Variants in MTMR10 observed in about 807,000 individuals in gnomAD.
The protein encoded by MTMR10 is myotubularin related protein 10.
In MTMR10, 56 loss-of-function variants were observed where a neutral mutation model predicts 88.1. The ratio of observed to expected loss-of-function variants is 0.64; its 90% CI spans 0.51 to 0.79. The LOEUF (loss-of-function observed/expected upper bound fraction) is 0.79. Among genes scored for constraint, MTMR10 ranks in the 30% least tolerant of loss-of-function variants. The pLI, the probability that MTMR10 is intolerant of heterozygous loss-of-function variation, is 0.00. For synonymous variants in MTMR10, 380 were observed against 340.9 expected (o/e 1.11, Z -1.26); for missense variants, 883 against 924.7 (o/e 0.95, Z 0.58).
chr15:30,974,529 C>G (rs1390597518), intron 4 of MTMR10, 73 bp from the exon 5 acceptor site: 2 of 1,289,442 alleles, frequency 1.6e-6, no homozygotes, highest in Middle Eastern at 2.9e-4. Flanking sequence ...AATACAAATT[C>G]TTAGTGAAAA....
rs2029950892 is a variant in MTMR10 at position 30,974,382 on chromosome 15, T to C, written c.406A>G (p.Ile136Val). ...KLKFNPTELIIYCKDFRIVRF... is the reference protein window; with the variant it reads ...KLKFNPTELIVYCKDFRIVRF... ...ACAATTCTGAAATCTTTACAATAAA[T>C]AATTAACTCTGTTGGATTAAATTTC... Residue 136 changes from isoleucine to valine, a missense_variant, in exon 5 of 16, where the codon ATT becomes GTT. Around this residue, in one of 3 missense-constraint regions of MTMR10, gnomAD observed 414 missense variants for 423.2 expected, o/e 0.98. Transcript: ENST00000435680. 3 of 1,609,088 alleles carry C rather than the reference T, an allele frequency of 1.9e-6. No individual in the cohort carries two copies. Among genetic ancestry groups the C allele is most frequent in the Non-Finnish European group, 2.5e-6 (3 of 1,176,944 alleles).
chr15:30,991,410 G>A (rs533214427), intron 1 of MTMR10, 37 bp downstream of exon 1: 2 of 1,456,248 alleles, frequency 1.4e-6, no homozygotes, highest in South Asian at 1.4e-5. Context: ...CGGAAGCGCA[G>A]AGGAGAGTCG....
chr15:30,943,831 A>G, intron 14 of MTMR10: 1 of 985,436 alleles, frequency 1.0e-6, no homozygotes, highest in Non-Finnish European at 1.2e-6. Flanking sequence ...GACCATTTCT[A>G]TGAAGCACAG....
chr15:30,946,743 A>G, intron 14 of MTMR10: 1 of 703,104 alleles, frequency 1.4e-6, no homozygotes, highest in Non-Finnish European at 2.6e-6. Context: ...CGTGAAGGAA[A>G]ATAATCTTGT....
Position 30,991,586 on chromosome 15 carries a change from G to A in MTMR10, c.-80C>T, listed in dbSNP as rs2031339530. The A allele has an allele frequency of 6.8e-7, 1 of 1,460,434 alleles. No homozygotes were observed. The highest frequency in any genetic ancestry group is 3.0e-5 in the Admixed American group (1 of 33,608). 90.5% of individuals were successfully genotyped at this position (1,460,434 alleles called of 1,614,324 possible). Reference sequence around the variant, plus strand: ...CCTCCGGGCGTAAAGCTCTCAGTGCGGCCGCCCAGGCCCTTTCTGCGGCCA... The same window carrying A: ...CCTCCGGGCGTAAAGCTCTCAGTGCAGCCGCCCAGGCCCTTTCTGCGGCCA... On this transcript the variant is annotated 5_prime_UTR_variant, in exon 1 of 16. Coordinates refer to ENST00000435680, the MANE Select transcript of MTMR10 (RefSeq NM_017762.3).
chr15:30,938,801 AAGT>A, downstream of MTMR10: 2 of 578,476 alleles, frequency 3.5e-6, no homozygotes, highest in Non-Finnish European at 4.4e-6. Flanking sequence ...CTGTTAAAAA[AAGT>A]TACTGATCAC....
chr15:30,960,044 C>T (rs535306123), intron 7 of MTMR10, among the ~76,000 whole-genome samples: 2 of 152,130 alleles, frequency 1.3e-5, no homozygotes, highest in Non-Finnish European at 2.9e-5. Flanking sequence ...AACTGTGTTA[C>T]AGGGCACTAA....
chr15:30,942,291 A>G, intron 15 of MTMR10: 2 of 615,336 alleles, frequency 3.3e-6, no homozygotes, highest in South Asian at 4.3e-5. Flanking sequence ...ATCAGCCTGA[A>G]TGGGGGCGGG....
At chr15:30,980,050 T>G (rs2030461386) in intron 2 of MTMR10, among the ~76,000 whole-genome samples, 1 of 152,238 alleles carries the variant, frequency 6.6e-6, no homozygotes, top group South Asian at 2.1e-4. Flanking sequence ...GGTTTGCTGA[T>G]CCCTGTGTTA....
intron 6 of MTMR10, among the ~76,000 whole-genome samples, chr15:30,963,991 T>C (rs1210033582): frequency 6.6e-5 from 10 of 151,512 alleles, no homozygotes; most frequent in South Asian, 2.1e-4. Context: ...AAACATATGA[T>C]AGATACCTGT....
chr15:30,960,706 C>T (rs1054140321), intron 7 of MTMR10, among the ~76,000 whole-genome samples, 175 bp downstream of exon 7: 1 of 152,014 alleles, frequency 6.6e-6, no homozygotes, highest in African/African-American at 2.4e-5. Context: ...TTAAGGGATA[C>T]CGTAATTTAT....
At chr15:30,945,618 G>T (rs547674918) in intron 14 of MTMR10, among the ~76,000 whole-genome samples, 1 of 152,212 alleles carries the variant, frequency 6.6e-6, no homozygotes, top group Non-Finnish European at 1.5e-5. Context: ...AGGCCAGGGG[G>T]AAAGCCTAGC....
chr15:30,988,508 A>G (rs2031098628), intron 2 of MTMR10, among the ~76,000 whole-genome samples: 1 of 95,622 alleles, frequency 1.0e-5, no homozygotes, highest in South Asian at 2.7e-4. Flanking sequence ...TCTAAAAATA[A>G]TACGGAATTT....
chr15:30,924,902 C>T, the MTMR10 span, among the ~76,000 whole-genome samples: 2 of 152,146 alleles, frequency 1.3e-5, no homozygotes, highest in Non-Finnish European at 2.9e-5. Context: ...GATTACAGCC[C>T]GGTCACGCTC....
At chr15:30,951,787 C>A (rs2063250713) in intron 12 of MTMR10, among the ~76,000 whole-genome samples, 181 bp downstream of exon 12, 1 of 152,206 alleles carries the variant, frequency 6.6e-6, no homozygotes, top group African/African-American at 2.4e-5. Flanking sequence ...GCTTCAGCCA[C>A]TGCGCCCAGC....
At chr15:30,931,594 TTTGTATACAGTGTGGGGCATGCAC>T in the MTMR10 span, among the ~76,000 whole-genome samples, 2 of 152,214 alleles carry the variant, frequency 1.3e-5, no homozygotes, top group Non-Finnish European at 2.9e-5. Flanking sequence ...TGAGACGCCA[TTTGTATACAGTGTGGGGCATGCAC>T]TGGAATTCAT....
At chr15:30,949,371 G>A (rs2063212536) in intron 12 of MTMR10, 1 of 152,008 alleles carries the variant, frequency 6.6e-6, no homozygotes, top group African/African-American at 2.4e-5. Context: ...AATTAGGCAA[G>A]AAAAAGAAAA....
chr15:30,957,494 G>A (rs767556690), intron 9 of MTMR10, among the ~76,000 whole-genome samples: 30 of 152,286 alleles, frequency 2.0e-4, no homozygotes, highest in Middle Eastern at 6.8e-3. Context: ...AGGCCGAGGC[G>A]GGTGGATCAC....
the MTMR10 span, chr15:30,928,307 T>C: frequency 3.1e-6 from 4 of 1,288,056 alleles, no homozygotes; most frequent in South Asian, 9.4e-5. Flanking sequence ...GGCTTTGAAA[T>C]GTTCATTTGA....
Sources: gnomAD v4.1 joint callset for allele counts (sites outside exome capture counted in the v4.1 genomes callset) on GRCh38, gnomAD v4.1.1 for gene constraint, gnomAD v4.1.1 regional missense constraint, MANE v1.5 for transcripts, NCBI Gene and HGNC (gene_info 2026-07-23, HGNC 2026-07-21) for gene names.